PTPRM: variants seen among roughly 807,000 people sequenced by gnomAD.
The protein encoded by PTPRM is receptor-type tyrosine-protein phosphatase mu.
In PTPRM, 47 loss-of-function variants were observed where a neutral mutation model predicts 186.7. The ratio of observed to expected loss-of-function variants is 0.25; its 90% CI spans 0.20 to 0.32. PTPRM has a LOEUF of 0.32. PTPRM is among the 10% of genes least tolerant of loss of function. The probability of loss-of-function intolerance (pLI) is 1.00; values close to 1 mark genes in which losing one functional copy is unlikely to be tolerated. For synonymous variants in PTPRM, 668 were observed against 674.9 expected (o/e 0.99, Z 0.16); for missense variants, 1,494 against 1,865.0 (o/e 0.80, Z 3.66).
At chr18:8,053,575 T>C (rs1267895036) in intron 7 of PTPRM, among the ~76,000 whole-genome samples, 1 of 152,182 alleles carries the variant, frequency 6.6e-6, no homozygotes, top group East Asian at 1.9e-4. Flanking sequence ...AAATAACTCT[T>C]GGCATCTGAT....
At chr18:8,163,646 G>T (rs149268056) in intron 14 of PTPRM, among the ~76,000 whole-genome samples, 256 of 152,268 alleles carry the variant, frequency 1.7e-3, no homozygotes, top group Middle Eastern at 6.8e-3. Flanking sequence ...ATTAACTGAA[G>T]TTATGAGTAC....
At chr18:8,199,608 C>T (rs567346254) in intron 14 of PTPRM, among the ~76,000 whole-genome samples, 3 of 152,248 alleles carry the variant, frequency 2.0e-5, no homozygotes, top group African/African-American at 7.2e-5. Context: ...AGCTTAGTTG[C>T]CCAGGAAGAT....
intron 1 of PTPRM, among the ~76,000 whole-genome samples, chr18:7,589,257 C>T (rs76518087): frequency 0.04 from 6,138 of 152,254 alleles, 149 homozygotes; most frequent in South Asian, 0.085. Flanking sequence ...TCATGTGGTT[C>T]CTTTGGTGGC....
At chr18:7,675,508 G>C (rs894164076) in intron 1 of PTPRM, among the ~76,000 whole-genome samples, 1 of 152,048 alleles carries the variant, frequency 6.6e-6, no homozygotes, top group African/African-American at 2.4e-5. Flanking sequence ...GTTTGAAACA[G>C]GTAGTCTAAA....
intron 23 of PTPRM, among the ~76,000 whole-genome samples, chr18:8,357,455 C>G (rs188147647): frequency 1.3e-5 from 2 of 152,314 alleles, no homozygotes; most frequent in East Asian, 3.9e-4. Flanking sequence ...CACAATCAGT[C>G]GCACCCGGTG....
chr18:7,953,957 G>A (rs2053144691), intron 6 of PTPRM, among the ~76,000 whole-genome samples: 1 of 152,104 alleles, frequency 6.6e-6, no homozygotes, highest in African/African-American at 2.4e-5. Flanking sequence ...TGCCAAAAAG[G>A]CACAAACCAC....
chr18:8,113,182 A>G (rs2091830795), intron 11 of PTPRM, among the ~76,000 whole-genome samples: 1 of 152,248 alleles, frequency 6.6e-6, no homozygotes, highest in African/African-American at 2.4e-5. Context: ...TGAGAAAAAC[A>G]TTACTTCTGC....
chr18:7,974,091 G>T lies in PTPRM; in HGVS notation c.1132+18677G>T, dbSNP rs4296352. On this transcript the variant is annotated intron_variant, in intron 7 of 32. Transcript: ENST00000580170. Reference sequence around the variant, plus strand: ...CTCACCTTTGCATTTTGCTTGACGTGGAGCCTGAGAATGTGGCAGGCAGCA... The same window carrying T: ...CTCACCTTTGCATTTTGCTTGACGTTGAGCCTGAGAATGTGGCAGGCAGCA... Among the ~76,000 whole-genome samples the T allele has an allele frequency of 2.6e-3, 391 of 152,146 alleles. 1 individual carries two copies. Among genetic ancestry groups the T allele is most frequent in the African/African-American group, 9.0e-3 (374 of 41,502 alleles).
At chr18:7,908,023 A>G (rs1470607735) in intron 4 of PTPRM, among the ~76,000 whole-genome samples, 1 of 151,952 alleles carries the variant, frequency 6.6e-6, no homozygotes, top group African/African-American at 2.4e-5. Context: ...TCTATTAAAT[A>G]TTGCTGCAGT....
rs539481719 is a variant in PTPRM, at chr18:8,393,947, C to A, written c.4209-529C>A. 4.0e-5 allele frequency among the ~76,000 whole-genome samples: 6 copies of A among 151,660 alleles called. No individual in the cohort carries two copies. The South Asian group carries it at 1.2e-3, about 31-fold the overall frequency. On this transcript the variant is annotated intron_variant, in intron 31 of 32. Transcript: ENST00000580170. ...GGGACTACAAGCACCCGCCACCACG[C>A]CCGGCTAATTTTTTTTGTATTTTTT... is the stretch of plus-strand genomic sequence containing the variant.
intron 7 of PTPRM, among the ~76,000 whole-genome samples, chr18:8,004,828 C>T (rs769309213): frequency 5.1e-4 from 78 of 152,138 alleles, no homozygotes; most frequent in African/African-American, 7.7e-4. Flanking sequence ...TCAAGGCAAT[C>T]GCCGTTTACC....
In PTPRM at chr18:7,639,399, T is replaced by A. The variant is rs568890184; in HGVS notation, c.73+71508T>A. ...TTGTATTATTCTATATGCTTTTTTT[T>A]TTTTGAGATGAAGTCTCGCTCTTGT... On this transcript the variant is annotated intron_variant, in intron 1 of 32. Coordinates refer to ENST00000580170, the MANE Select transcript of PTPRM (RefSeq NM_001105244.2). 3.3e-5 allele frequency among the ~76,000 whole-genome samples: 5 copies of A among 151,028 alleles called. No individual in the cohort carries two copies. The East Asian group carries it at 9.8e-4, about 30-fold the overall frequency.
chr18:8,291,568 A>G (rs932369368), intron 19 of PTPRM, among the ~76,000 whole-genome samples: 5 of 152,194 alleles, frequency 3.3e-5, no homozygotes, highest in African/African-American at 1.2e-4. Flanking sequence ...CAGTTTCTGT[A>G]ATTTTAAAAG....
chr18:7,967,686 A>T lies in PTPRM; in HGVS notation c.1132+12272A>T, dbSNP rs1208357061. On this transcript the variant is annotated intron_variant, in intron 7 of 32. Transcript: ENST00000580170. ...AGAAGCCTCAGGAGCCGATGCGATC[A>T]ACTGGAAGAAAGGGTATCAGCAATG... Among the ~76,000 whole-genome samples the T allele has an allele frequency of 7.2e-4, 97 of 134,562 alleles. 1 individual carries two copies. Among genetic ancestry groups the T allele is most frequent in the Non-Finnish European group, 1.1e-3 (67 of 63,762 alleles). The allele number at this position is 134,562 out of a possible 152,430, so 88.3% of individuals were successfully genotyped here. A position where few individuals can be genotyped will look rare whatever the true frequency, so the allele number is the denominator to read the frequency against.
At chr18:8,272,904 G>A (rs1448696922) in intron 19 of PTPRM, among the ~76,000 whole-genome samples, 3 of 152,090 alleles carry the variant, frequency 2.0e-5, no homozygotes, top group African/African-American at 7.2e-5. Flanking sequence ...GAAAATACAA[G>A]TTTAGAATTG....
chr18:7,996,225 T>C (rs1485182329), intron 7 of PTPRM, among the ~76,000 whole-genome samples: 2 of 151,988 alleles, frequency 1.3e-5, no homozygotes, highest in Non-Finnish European at 2.9e-5. Context: ...GTGAGATTTA[T>C]CCCAGGGGAA....
At chr18:8,075,264 A>G (rs1226423711) in intron 8 of PTPRM, among the ~76,000 whole-genome samples, 1 of 89,496 alleles carries the variant, frequency 1.1e-5, no homozygotes, top group East Asian at 2.2e-4. Context: ...ATATCTATCT[A>G]TCTATATATA....
chr18:7,963,805 T>C (rs1034451284), intron 7 of PTPRM, among the ~76,000 whole-genome samples: 3 of 152,178 alleles, frequency 2.0e-5, no homozygotes, highest in African/African-American at 7.2e-5. Context: ...CATCAGTCGC[T>C]GTCAGAGGGG....
chr18:8,082,669 G>A (rs2090196935), intron 9 of PTPRM, among the ~76,000 whole-genome samples: 1 of 151,558 alleles, frequency 6.6e-6, no homozygotes, highest in South Asian at 2.1e-4. Flanking sequence ...CATTCATTAG[G>A]GAGTGGTACC....
Sources: gnomAD v4.1 joint callset for allele counts (sites outside exome capture counted in the v4.1 genomes callset) on GRCh38, gnomAD v4.1.1 for gene constraint, MANE v1.5 for transcripts, NCBI Gene and HGNC (gene_info 2026-07-23, HGNC 2026-07-21) for gene names.